DMD: variants seen among roughly 807,000 people sequenced by gnomAD.
DMD encodes the protein dystrophin.
In DMD, 63 loss-of-function variants were observed where a neutral mutation model predicts 330.1. That is an observed-to-expected ratio of 0.19 (90% CI 0.16 to 0.24). The LOEUF (loss-of-function observed/expected upper bound fraction) is 0.24. Among genes scored for constraint, DMD ranks in the 10% least tolerant of loss-of-function variants. The pLI is 1.00. For missense variants in DMD, 3,344 were observed against 2,684.1 expected, an observed-to-expected ratio of 1.25 and a Z score of -5.43; for synonymous variants, 1,223 against 959.8, an observed-to-expected ratio of 1.27 and a Z score of -5.07.
chrX:32,514,312 A>G (rs1171657968), intron 18 of DMD, among the ~76,000 whole-genome samples: 1 of 111,364 alleles, frequency 9.0e-6, no homozygotes, highest in East Asian at 2.8e-4. Flanking sequence ...AAAGTAGGAG[A>G]TGAAATCATT....
intron 12 of DMD, among the ~76,000 whole-genome samples, chrX:32,613,895 C>A (rs1293072186): frequency 9.0e-6 from 1 of 110,932 alleles, no homozygotes; most frequent in Non-Finnish European, 1.9e-5. Context: ...TATTTTTTCA[C>A]AGTTCTCGAG....
At chrX:31,651,328 A>T (rs1223981572) in intron 54 of DMD, among the ~76,000 whole-genome samples, 1 of 111,599 alleles carries the variant, frequency 9.0e-6, no homozygotes, top group African/African-American at 3.3e-5. Context: ...GTAAGATGGA[A>T]GTTGACACTG....
chrX:31,297,834 T>A (rs2054306214), intron 62 of DMD, among the ~76,000 whole-genome samples: 1 of 112,297 alleles, frequency 8.9e-6, no homozygotes, highest in Admixed American at 9.4e-5. Context: ...ACATACAAGT[T>A]CTATGGGCCT....
chrX:32,120,278 C>T (rs746254108), intron 44 of DMD, among the ~76,000 whole-genome samples: 1 of 111,898 alleles, frequency 8.9e-6, no homozygotes, highest in East Asian at 2.8e-4. Flanking sequence ...TGATCAAGGC[C>T]AGCAGCATCA....
rs951496461 is a variant in DMD at position 32,386,303 on chromosome X, C to T, written c.4674+7G>A. On this transcript the variant is annotated splice_region_variant and intron_variant, in intron 33 of 78. Coordinates refer to ENST00000357033, the MANE Select transcript of DMD (RefSeq NM_004006.3). ...AAGAAGTGTTTGTGGTCTCAGCATG[C>T]ACACACCTTTGCTCCCAGCTCATTA... The T allele has an allele frequency of 8.3e-7, 1 of 1,208,228 alleles. No homozygotes were observed. Among genetic ancestry groups the T allele is most frequent in the Non-Finnish European group, 1.1e-6 (1 of 892,903 alleles).
At chrX:31,365,094 CAAAA>C (rs35244488) in intron 60 of DMD, among the ~76,000 whole-genome samples, 1 of 44,146 alleles carries the variant, frequency 2.3e-5, no homozygotes, top group Non-Finnish European at 4.0e-5. Flanking sequence ...GACCCCATCT[CAAAA>C]AAAAAAAAAA....
chrX:32,276,276 A>G (rs1204273541), intron 43 of DMD, among the ~76,000 whole-genome samples: 1 of 112,546 alleles, frequency 8.9e-6, no homozygotes, highest in African/African-American at 3.2e-5. Flanking sequence ...CTGGAGTCCC[A>G]GGTAAACCTG....
At chrX:32,336,019 GTATATATAACGT>G (rs1194206324) in intron 41 of DMD, among the ~76,000 whole-genome samples, 3 of 97,646 alleles carry the variant, frequency 3.1e-5, no homozygotes, top group Non-Finnish European at 6.3e-5. Flanking sequence ...TATATAACGT[GTATATATAACGT>G]TATATATAAC....
chrX:32,722,410 G>T (rs2066423372), intron 7 of DMD, among the ~76,000 whole-genome samples: 1 of 110,365 alleles, frequency 9.1e-6, no homozygotes, highest in Admixed American at 9.7e-5. Context: ...AAGTATATAG[G>T]GGGGTGTGCA....
At position 32,322,396 on chromosome X, in the gene DMD, A is replaced by G. The variant is rs559683938; in HGVS notation, c.5923-12120T>C. 7.2e-4 allele frequency among the ~76,000 whole-genome samples: 79 copies of G among 110,362 alleles called. 1 individual carries two copies. The South Asian group carries it at 0.029, about 41-fold the overall frequency. On this transcript the variant is annotated intron_variant, in intron 41 of 78. Coordinates refer to ENST00000357033, the MANE Select transcript of DMD (RefSeq NM_004006.3). Reference sequence around the variant, plus strand: ...CAACATAATGACACATCATCTCTACAAACAAATGTTTTAAAAATTAGCCAG... The same window carrying G: ...CAACATAATGACACATCATCTCTACGAACAAATGTTTTAAAAATTAGCCAG...
chrX:33,087,125 G>A (rs2095019520), intron 1 of DMD, among the ~76,000 whole-genome samples: 1 of 111,747 alleles, frequency 8.9e-6, no homozygotes, highest in South Asian at 3.7e-4. Context: ...TTGTCAGTCA[G>A]GAAAGCTCAA....
chrX:33,181,378 G>A (rs993765827), intron 1 of DMD, among the ~76,000 whole-genome samples: 2 of 111,316 alleles, frequency 1.8e-5, no homozygotes, highest in East Asian at 2.8e-4. Flanking sequence ...TATATCAGTC[G>A]ATGGGCACCA....
intron 2 of DMD, among the ~76,000 whole-genome samples, chrX:32,889,505 T>A (rs904004099): frequency 9.0e-6 from 1 of 110,722 alleles, no homozygotes; most frequent in Non-Finnish European, 1.9e-5. Flanking sequence ...CCCTGTGACC[T>A]GCCCTTATAC....
rs201549805 is a variant in DMD, at chrX:32,484,988, C to A, written c.2734G>T (p.Val912Leu). The A allele has an allele frequency of 1.7e-6, 2 of 1,211,601 alleles. No homozygotes were observed. Among genetic ancestry groups the A allele is most frequent in the Non-Finnish European group, 2.2e-6 (2 of 895,378 alleles). ...QGPMFLDADF[V>L]AFTNHFKQVF... Reference sequence around the variant, plus strand: ...TGCTTAAAATGATTTGTAAAGGCCACAAAGTCTGCATCCAGGAACATGGGT... The same window carrying A: ...TGCTTAAAATGATTTGTAAAGGCCAAAAAGTCTGCATCCAGGAACATGGGT... The change falls in exon 21 of 79, where the codon GTG (valine) becomes TTG (leucine). Residue 912 changes from valine to leucine, a missense_variant. Coordinates refer to ENST00000357033, the MANE Select transcript of DMD (RefSeq NM_004006.3).
intron 1 of DMD, among the ~76,000 whole-genome samples, chrX:33,236,261 CCTTTTTTTTTTT>C (rs2052480081): frequency 9.9e-6 from 1 of 100,953 alleles, no homozygotes; most frequent in South Asian, 4.7e-4. Flanking sequence ...GCTTCTCCTT[CCTTTTTTTTTTT>C]CTTTTTTTTT....
At chrX:31,911,447 A>T (rs1224436842) in intron 47 of DMD, among the ~76,000 whole-genome samples, 1 of 111,465 alleles carries the variant, frequency 9.0e-6, no homozygotes, top group Non-Finnish European at 1.9e-5. Context: ...ATATTGAAAT[A>T]CATTCTTAAA....
chrX:32,503,656 A>T (rs1206733291), intron 18 of DMD, among the ~76,000 whole-genome samples: 1 of 110,774 alleles, frequency 9.0e-6, no homozygotes, highest in Non-Finnish European at 1.9e-5. Flanking sequence ...CCCGGGTTCA[A>T]GCAACTCTCC....
chrX:32,342,375 G>C lies in DMD; in HGVS notation c.5740-93C>G. On this transcript the variant is annotated intron_variant, in intron 40 of 78. Transcript: ENST00000357033. The stretch of plus-strand genomic sequence containing the variant: ...AAATACTTCTCTCAAAATTTCAAAG[G>C]CTGTTGTCCCTTTATTGTCATCCTT... 5.2e-6 allele frequency: 5 copies of C among 966,892 alleles called. No homozygotes were observed. In the South Asian group the frequency reaches 1.1e-4, roughly 21 times the overall value. The allele number at this position is 966,892 out of a possible 1,213,427, so 79.7% of individuals were successfully genotyped here.
intron 62 of DMD, among the ~76,000 whole-genome samples, chrX:31,318,746 C>T (rs2056221469): frequency 8.9e-6 from 1 of 112,055 alleles, no homozygotes; most frequent in Admixed American, 9.4e-5. Flanking sequence ...CCCAAGAACC[C>T]CATCTTTCAC....
Sources: allele counts gnomAD v4.1 joint callset (sites outside exome capture counted in the v4.1 genomes callset), GRCh38; gene constraint gnomAD v4.1.1; transcripts MANE v1.5; gene names NCBI Gene and HGNC (gene_info 2026-07-23, HGNC 2026-07-21).